Variants in UAP1L1 observed in about 807,000 individuals in gnomAD.
The protein encoded by UAP1L1 is UDP-N-acetylglucosamine pyrophosphorylase 1 like 1, also known as UDP-N-acetylhexosamine pyrophosphorylase-like protein 1.
In UAP1L1, 45 loss-of-function variants were observed where a neutral mutation model predicts 45.3. The ratio of observed to expected loss-of-function variants is 0.99; its 90% CI spans 0.78 to 1.27. The LOEUF (loss-of-function observed/expected upper bound fraction) is 1.27. Ranked by LOEUF, UAP1L1 falls within the 50% of genes most tolerant of loss-of-function variation. The pLI, the probability that UAP1L1 is intolerant of heterozygous loss-of-function variation, is 0.00. For missense variants in UAP1L1, 667 were observed against 694.0 expected, an observed-to-expected ratio of 0.96 and a Z score of 0.44; for synonymous variants, 323 against 303.9, an observed-to-expected ratio of 1.06 and a Z score of -0.65.
chr9:137,082,789 C>T lies in UAP1L1; in HGVS notation c.*60C>T, dbSNP rs1409831992. ...TGCCAGCCCCGGCATCCTGGAAGTC[C>T]CGACTCCCCCCAGACCTGCCAGCCC... On this transcript the variant is annotated 3_prime_UTR_variant, in exon 9 of 9. Coordinates refer to ENST00000409858, the MANE Select transcript of UAP1L1 (RefSeq NM_207309.3). The surrounding 1 kb of genome is among the most constrained non-coding windows in gnomAD (Gnocchi z 5.7). 19 of 1,398,012 alleles carry T rather than the reference C, an allele frequency of 1.4e-5. No homozygotes were observed. The highest frequency in any genetic ancestry group is 1.9e-5 in the Non-Finnish European group (19 of 1,021,786). 86.6% of individuals were successfully genotyped at this position (1,398,012 alleles called of 1,614,324 possible). A position where few individuals can be genotyped will look rare whatever the true frequency, so the allele number is the denominator to read the frequency against.
At chr9:137,081,071 C>G (rs573135992) in intron 7 of UAP1L1, among the ~76,000 whole-genome samples, 197 bp downstream of exon 7, 1 of 152,222 alleles carries the variant, frequency 6.6e-6, no homozygotes. Flanking sequence ...CCTCCTGGCC[C>G]GACCCTTCAA....
rs1832824911 is a variant in UAP1L1, at chr9:137,083,508, CAAGAACCAGTGGGATCA to C, written c.*781_*797del. ...GGCTGCTGAGTTTTCTGTGCTTCCC[CAAGAACCAGTGGGATCA>C]ATGCCGGCGGCCTCTGTGATGGTTG... is the stretch of plus-strand genomic sequence containing the variant. On this transcript the variant is annotated 3_prime_UTR_variant, in exon 9 of 9. Coordinates refer to ENST00000409858, the MANE Select transcript of UAP1L1 (RefSeq NM_207309.3). The C allele has an allele frequency of 6.6e-6, 1 of 152,366 alleles. No homozygotes were observed. Among genetic ancestry groups the C allele is most frequent in the African/African-American group, 2.4e-5 (1 of 41,462 alleles). 9.4% of individuals were successfully genotyped at this position (152,366 alleles called of 1,614,324 possible).
At position 137,080,700 on chromosome 9, in the gene UAP1L1, C is replaced by T. The variant is rs1832775505; in HGVS notation, c.1190C>T (p.Ala397Val). 6.2e-7 allele frequency: 1 copy of T among 1,610,942 alleles called. No individual in the cohort carries two copies. Among genetic ancestry groups the T allele is most frequent in the East Asian group, 2.2e-5 (1 of 44,866 alleles). The change falls in exon 7 of 9, where the codon GCC (alanine) becomes GTC (valine). Residue 397 changes from alanine (A) to valine (V), a missense_variant. Transcript: ENST00000409858. ...DVFRFAKNFA[A>V]LEVLREEEFS... ...CCTTTCCCCACCAGGAACTTTGCTG[C>T]CTTGGAAGTGCTGCGGGAGGAGGAA...
At chr9:137,078,313 C>G (rs1832727209) in intron 2 of UAP1L1, 59 bp downstream of exon 2, 4 of 1,513,482 alleles carry the variant, frequency 2.6e-6, no homozygotes, top group African/African-American at 2.7e-5. Context: ...CCCCCCACAT[C>G]CCCGCTCCAG....
chr9:137,077,963 C>A lies in UAP1L1; in HGVS notation c.290-87C>A, dbSNP rs1832718544. 6.5e-7 allele frequency: 1 copy of A among 1,530,952 alleles called. No homozygotes were observed. The highest frequency in any genetic ancestry group is 1.4e-5 in the African/African-American group (1 of 72,876). The allele number at this position is 1,530,952 out of a possible 1,614,324, so 94.8% of individuals were successfully genotyped here. A position where few individuals can be genotyped will look rare whatever the true frequency, so the allele number is the denominator to read the frequency against. ...CCTCACGCGTTCCGGCCCCCGAGTC[C>A]TGGCGCCCCAGCCCCAGAGTTGGTT... On this transcript the variant is annotated intron_variant, in intron 1 of 8. Coordinates refer to ENST00000409858, the MANE Select transcript of UAP1L1 (RefSeq NM_207309.3). The surrounding 1 kb of genome is among the most constrained non-coding windows in gnomAD (Gnocchi z 4.7).
At chr9:137,078,016 C>T (rs1035712959) in intron 1 of UAP1L1, 34 bp from the exon 2 acceptor site, 25 of 1,542,924 alleles carry the variant, frequency 1.6e-5, no homozygotes, top group Non-Finnish European at 2.2e-5. Flanking sequence ...GTGGGCGGGT[C>T]CCGGGCGTCC....
At chr9:137,080,466 G>A in intron 6 of UAP1L1, 1 of 606,560 alleles carries the variant, frequency 1.6e-6, no homozygotes, top group Non-Finnish European at 2.8e-6. Context: ...TCACTGCAGG[G>A]GTCCCAGGGT....
At chr9:137,080,170 C>A in intron 6 of UAP1L1, 28 bp downstream of exon 6, 1 of 1,611,108 alleles carries the variant, frequency 6.2e-7, no homozygotes, top group Non-Finnish European at 8.5e-7. Context: ...TTTATTTTCC[C>A]CTTCTTCCTT....
intron 7 of UAP1L1, 80 bp downstream of exon 7, chr9:137,080,954 C>A: frequency 7.4e-7 from 1 of 1,358,184 alleles, no homozygotes; most frequent in Non-Finnish European, 9.7e-7. Flanking sequence ...GCCCTGTTGG[C>A]TCTGCGACAG....
intron 7 of UAP1L1, 104 bp downstream of exon 7, chr9:137,080,978 G>A: frequency 1.7e-6 from 2 of 1,208,116 alleles, no homozygotes; most frequent in East Asian, 5.2e-5. Context: ...TGCTGGGGAG[G>A]GGTCTTCCTT....
intron 2 of UAP1L1, 103 bp downstream of exon 2, chr9:137,078,357 T>A (rs1448919762): frequency 6.4e-7 from 1 of 1,555,788 alleles, no homozygotes; most frequent in Non-Finnish European, 8.7e-7. Flanking sequence ...GACCGGGACA[T>A]TGCCCAGAAC....
rs201228685 is a variant in UAP1L1, at chr9:137,079,218, G to T, written c.844-38G>T. The T allele has an allele frequency of 9.0e-5, 135 of 1,505,272 alleles. 1 individual carries two copies. The East Asian group carries it at 3.2e-3, about 35-fold the overall frequency. 93.2% of individuals were successfully genotyped at this position (1,505,272 alleles called of 1,614,324 possible). The stretch of plus-strand genomic sequence containing the variant: ...GCCCCTCACGGAGCCCCGCCCCTCC[G>T]CCCAGCCCTCGGAACCCATCCCTGG... On this transcript the variant is annotated intron_variant, in intron 4 of 8. Coordinates refer to ENST00000409858, the MANE Select transcript of UAP1L1 (RefSeq NM_207309.3).
intron 7 of UAP1L1, among the ~76,000 whole-genome samples, 153 bp from the exon 8 acceptor site, chr9:137,081,845 G>C (rs1832791614): frequency 6.6e-6 from 1 of 152,186 alleles, no homozygotes; most frequent in African/African-American, 2.4e-5. Flanking sequence ...GTGTGCTCAG[G>C]GTTTGGGGTG....
At chr9:137,080,170 CCTT>C in intron 6 of UAP1L1, 28 bp downstream of exon 6, 1 of 1,611,108 alleles carries the variant, frequency 6.2e-7, no homozygotes, top group Non-Finnish European at 8.5e-7. Flanking sequence ...TTTATTTTCC[CCTT>C]CTTCCTTCTC....
chr9:137,082,532 G>A lies in UAP1L1; in HGVS notation c.1432-105G>A. The stretch of plus-strand genomic sequence containing the variant: ...TGTCCCCACCCCTCCCTGACTCCAG[G>A]CAGACCTGGGATCGCACCTGGGGAC... On this transcript the variant is annotated intron_variant, in intron 8 of 8. Coordinates refer to ENST00000409858, the MANE Select transcript of UAP1L1 (RefSeq NM_207309.3). The surrounding 1 kb of genome is among the most constrained non-coding windows in gnomAD (Gnocchi z 5.7). 1.1e-6 allele frequency: 1 copy of A among 940,358 alleles called. No individual in the cohort carries two copies. The highest frequency in any genetic ancestry group is 1.6e-6 in the Non-Finnish European group (1 of 609,058). The allele number at this position is 940,358 out of a possible 1,614,324, so 58.3% of individuals were successfully genotyped here.
In UAP1L1 at chr9:137,077,622, A is replaced by G; in HGVS notation, c.90A>G (p.Pro30=). The part of the protein sequence containing the change: ...LRFWAELAPE[P]RAALLAELAL... ...TCTGGGCCGAGCTGGCGCCGGAGCC[A>G]CGAGCCGCGCTGCTGGCGGAGCTGG... is the stretch of plus-strand genomic sequence containing the variant. The change falls in exon 1 of 9, where the codon CCA becomes CCG. Residue 30 remains proline, a synonymous_variant. Transcript: ENST00000409858. This position sits in a 1 kb window ranked among gnomAD's most constrained non-coding sequence, Gnocchi z 4.7. 1 of 1,337,368 alleles carries G rather than the reference A, an allele frequency of 7.5e-7. No individual in the cohort carries two copies. Among genetic ancestry groups the G allele is most frequent in the Non-Finnish European group, 9.7e-7 (1 of 1,032,260 alleles). The allele number at this position is 1,337,368 out of a possible 1,614,324, so 82.8% of individuals were successfully genotyped here.
intron 3 of UAP1L1, 59 bp from the exon 4 acceptor site, chr9:137,078,917 C>T (rs544074363): frequency 2.0e-6 from 3 of 1,535,754 alleles, no homozygotes; most frequent in East Asian, 4.5e-5. Context: ...ACGTCCTAGA[C>T]TCCCAGAGCG....
intron 7 of UAP1L1, among the ~76,000 whole-genome samples, chr9:137,081,399 A>G (rs1177146603): frequency 6.7e-6 from 1 of 149,246 alleles, no homozygotes; most frequent in African/African-American, 2.5e-5. Context: ...TTTTTAGTAG[A>G]GACAGGGTTT....
Position 137,084,464 on chromosome 9 carries a change from G to A in UAP1L1, c.*1735G>A, listed in dbSNP as rs1832839267. The A allele has an allele frequency of 1.3e-5, 2 of 152,388 alleles. No homozygotes were observed. Among genetic ancestry groups the A allele is most frequent in the Middle Eastern group, 3.4e-3 (1 of 296 alleles). The allele number at this position is 152,388 out of a possible 1,614,324, so 9.4% of individuals were successfully genotyped here. ...GCTGGGATTATAGGTGTGAGCCACC[G>A]CGCCGGGCCGGTTGCTGGCATCTTA... On this transcript the variant is annotated 3_prime_UTR_variant, in exon 9 of 9. Coordinates refer to ENST00000409858, the MANE Select transcript of UAP1L1 (RefSeq NM_207309.3).
Sources: allele counts gnomAD v4.1 joint callset (sites outside exome capture counted in the v4.1 genomes callset), GRCh38; gene constraint gnomAD v4.1.1; non-coding constraint Gnocchi (gnomAD v3.1); transcripts MANE v1.5; gene names NCBI Gene and HGNC (gene_info 2026-07-23, HGNC 2026-07-21).